NCBP1: variants seen among roughly 807,000 people sequenced by gnomAD.
NCBP1 encodes nuclear cap-binding protein subunit 1.
NCBP1 carries 16 observed loss-of-function variants against 111.7 expected under a neutral mutation model. The observed-to-expected ratio is 0.14, with a 90% confidence interval of 0.10 to 0.22. The LOEUF is 0.22. Among genes scored for constraint, NCBP1 ranks in the 10% least tolerant of loss-of-function variants. The pLI is 1.00. For missense variants in NCBP1, 607 were observed against 957.5 expected (o/e 0.63, Z 4.83); for synonymous variants, 304 against 314.3 (o/e 0.97, Z 0.35).
chr9:97,653,684 C>G, intron 10 of NCBP1, 114 bp from the exon 11 acceptor site: 1 of 675,880 alleles, frequency 1.5e-6, no homozygotes, highest in East Asian at 2.9e-5. Context: ...AAAGTAATTC[C>G]ATTTTCATAT....
intron 14 of NCBP1, among the ~76,000 whole-genome samples, chr9:97,657,008 A>G (rs1227259382): frequency 6.6e-6 from 1 of 151,988 alleles, no homozygotes; most frequent in Non-Finnish European, 1.5e-5. Context: ...TCGCTCTGTC[A>G]CCCAGGCTGG....
At chr9:97,670,893 C>A (rs1336300364) in intron 22 of NCBP1, among the ~76,000 whole-genome samples, 193 bp from the exon 23 acceptor site, 1 of 152,116 alleles carries the variant, frequency 6.6e-6, no homozygotes, top group Non-Finnish European at 1.5e-5. Context: ...TATTGAGCAT[C>A]CATTTTTTTC....
chr9:97,661,515 A>G (rs1158986429), intron 16 of NCBP1, among the ~76,000 whole-genome samples: 1 of 152,228 alleles, frequency 6.6e-6, no homozygotes, highest in Admixed American at 6.5e-5. Context: ...AATAATTTAT[A>G]CAGTTGCCTG....
intron 1 of NCBP1, among the ~76,000 whole-genome samples, chr9:97,634,226 C>A (rs1460193775): frequency 3.9e-5 from 6 of 152,224 alleles, no homozygotes; most frequent in African/African-American, 1.2e-4. Flanking sequence ...GGGAAGCACA[C>A]CTGTGTCTGT....
At chr9:97,669,551 A>T in intron 21 of NCBP1, 42 bp from the exon 22 acceptor site, 1 of 1,390,234 alleles carries the variant, frequency 7.2e-7, no homozygotes, top group Non-Finnish European at 1.0e-6. Flanking sequence ...AAAGTATAAG[A>T]TTCTGTCTGT....
At chr9:97,638,126 C>A (rs1827103805) in intron 1 of NCBP1, among the ~76,000 whole-genome samples, 1 of 152,130 alleles carries the variant, frequency 6.6e-6, no homozygotes, top group Admixed American at 6.5e-5. Flanking sequence ...TTCCCTGTTC[C>A]CTTACCCAGG....
chr9:97,668,541 C>A lies in NCBP1; in HGVS notation c.2017-305C>A, dbSNP rs12683057. On this transcript the variant is annotated intron_variant, in intron 20 of 22. Coordinates refer to ENST00000375147, the MANE Select transcript of NCBP1 (RefSeq NM_002486.5). ...TTAGCAAGCTGTCTCCCTGTTGTTA[C>A]TGCTCAAATGGTCAAATAGTGATAA... Among the ~76,000 whole-genome samples the A allele has an allele frequency of 2.3e-3, 351 of 152,324 alleles. 9 individuals are homozygous for A. In the East Asian group the frequency reaches 0.057, roughly 25 times the overall value.
intron 1 of NCBP1, among the ~76,000 whole-genome samples, chr9:97,639,498 TC>T (rs1827145245): frequency 6.6e-6 from 1 of 152,196 alleles, no homozygotes; most frequent in Admixed American, 6.5e-5. Flanking sequence ...TAACAATAAT[TC>T]CTTTGGCTGT....
intron 9 of NCBP1, 60 bp downstream of exon 9, chr9:97,650,660 T>G: frequency 7.1e-7 from 1 of 1,414,952 alleles, no homozygotes; most frequent in Middle Eastern, 1.8e-4. Context: ...GATAATTCAG[T>G]AAGAGCAAAA....
At position 97,672,353 on chromosome 9, in the gene NCBP1, G is replaced by A. The variant is rs1828217677; in HGVS notation, c.*1154G>A. ...AAGTTTATGATGCATTAAGCGTTTT[G>A]CATATTTTGATATATTTTTGCTTTG... On this transcript the variant is annotated 3_prime_UTR_variant, in exon 23 of 23. Transcript: ENST00000375147. 1 of 151,980 alleles carries A rather than the reference G, an allele frequency of 6.6e-6. No individual in the cohort carries two copies. The highest frequency in any genetic ancestry group is 1.5e-5 in the Non-Finnish European group (1 of 68,002). The allele number at this position is 151,980 out of a possible 1,614,324, so 9.4% of individuals were successfully genotyped here.
chr9:97,667,246 C>A (rs778875063), intron 20 of NCBP1, among the ~76,000 whole-genome samples: 1 of 152,090 alleles, frequency 6.6e-6, no homozygotes, highest in South Asian at 2.1e-4. Flanking sequence ...ACACTTTCCC[C>A]GTACTGTGAG....
At position 97,633,851 on chromosome 9, in the gene NCBP1, C is replaced by T. The variant is rs566955355; in HGVS notation, c.-31C>T. On this transcript the variant is annotated 5_prime_UTR_variant, in exon 1 of 23. Coordinates refer to ENST00000375147, the MANE Select transcript of NCBP1 (RefSeq NM_002486.5). ...GTTCCTGCAGCGCTTACCGCCTGGC[C>T]TCTCGGTTCCGCGGCGCACCGGAGG... 2.1e-4 allele frequency: 330 copies of T among 1,573,268 alleles called. 1 individual carries two copies. In the African/African-American group the frequency reaches 3.1e-3, roughly 15 times the overall value.
chr9:97,634,849 T>C (rs1826957964), intron 1 of NCBP1, among the ~76,000 whole-genome samples: 1 of 152,228 alleles, frequency 6.6e-6, no homozygotes, highest in Non-Finnish European at 1.5e-5. Context: ...TACCATTTAC[T>C]TGGTGATCTT....
chr9:97,651,393 C>G lies in NCBP1; in HGVS notation c.1059+20C>G. 1 of 1,606,416 alleles carries G rather than the reference C, an allele frequency of 6.2e-7. No homozygotes were observed. The highest frequency in any genetic ancestry group is 8.5e-7 in the Non-Finnish European group (1 of 1,175,570). ...GTTGAGGTATGAATTCCATGTGGAG[C>G]GTGTTTCTGAGTTTCAGAATCTTTC... On this transcript the variant is annotated intron_variant, in intron 10 of 22. Coordinates refer to ENST00000375147, the MANE Select transcript of NCBP1 (RefSeq NM_002486.5).
intron 6 of NCBP1, 102 bp downstream of exon 6, chr9:97,645,834 A>G (rs1229762468): frequency 1.4e-6 from 2 of 1,392,608 alleles, no homozygotes; most frequent in Non-Finnish European, 2.0e-6. Context: ...GAGTTCCTGA[A>G]GGTATTTTCT....
intron 17 of NCBP1, 25 bp from the exon 18 acceptor site, chr9:97,662,929 A>AT: frequency 2.0e-6 from 3 of 1,537,722 alleles, no homozygotes; most frequent in South Asian, 1.1e-5. Flanking sequence ...TATATATGGT[A>AT]TTTTTTTCCC....
In NCBP1 at chr9:97,660,964, C is replaced by G; in HGVS notation, c.1496C>G (p.Ser499Cys). Reference sequence around the variant, plus strand: ...TGTTTAGATTCTCTTCCTGGACATTCTGTTGCCCTCTGTTTAGCTGTTGCC... The same window carrying G: ...TGTTTAGATTCTCTTCCTGGACATTGTGTTGCCCTCTGTTTAGCTGTTGCC... ...DESSNSLPGH[S>C]VALCLAVAFK... is the part of the protein sequence containing the mutation. Residue 499 changes from serine (S) to cysteine (C), a missense_variant, in exon 16 of 23, where the codon TCT becomes TGT. Around this residue, in one of 9 missense-constraint regions of NCBP1, gnomAD observed 282 missense variants for 376.5 expected, o/e 0.75. Coordinates refer to ENST00000375147, the MANE Select transcript of NCBP1 (RefSeq NM_002486.5). 6.2e-7 allele frequency: 1 copy of G among 1,611,898 alleles called. No individual in the cohort carries two copies. The highest frequency in any genetic ancestry group is 8.5e-7 in the Non-Finnish European group (1 of 1,179,410).
rs1827581902 is a variant in NCBP1 at position 97,654,314 on chromosome 9, TTC to T, written c.1170+407_1170+408del. Among the ~76,000 whole-genome samples the T allele has an allele frequency of 2.0e-5, 3 of 152,326 alleles. No individual in the cohort carries two copies. In the South Asian group the frequency reaches 6.2e-4, roughly 32 times the overall value. On this transcript the variant is annotated intron_variant, in intron 11 of 22. Coordinates refer to ENST00000375147, the MANE Select transcript of NCBP1 (RefSeq NM_002486.5). Reference sequence around the variant, plus strand: ...TAAGTTTCTATGATATTCTAAATCCTTCGTTGTCATTCAGCAGTGTTCACAAG... The same window carrying T: ...TAAGTTTCTATGATATTCTAAATCCTGTTGTCATTCAGCAGTGTTCACAAG...
chr9:97,643,113 GTTAATGGAATGATAAAAAGAT>G (rs1212542452), intron 3 of NCBP1, 70 bp from the exon 4 acceptor site: 2 of 1,318,374 alleles, frequency 1.5e-6, no homozygotes, highest in African/African-American at 3.1e-5. Flanking sequence ...CTGTTCCAAA[GTTAATGGAATGATAAAAAGAT>G]TCACATAAAA....
Sources: gnomAD v4.1 joint callset for allele counts (sites outside exome capture counted in the v4.1 genomes callset) on GRCh38, gnomAD v4.1.1 for gene constraint, gnomAD v4.1.1 regional missense constraint, MANE v1.5 for transcripts, NCBI Gene and HGNC (gene_info 2026-07-23, HGNC 2026-07-21) for gene names.